Variants in ANKRD30B observed in about 807,000 individuals in gnomAD.
ANKRD30B encodes the protein ankyrin repeat domain-containing protein 30B.
A neutral mutation model predicts 202.2 loss-of-function variants in ANKRD30B; 144 were observed. That is an observed-to-expected ratio of 0.71 (90% confidence interval 0.62 to 0.82). The LOEUF (loss-of-function observed/expected upper bound fraction) is 0.82. Ranked by LOEUF, ANKRD30B falls within the 40% of genes least tolerant of loss-of-function variation. ANKRD30B has a pLI of 0.00. For missense variants in ANKRD30B, 1,487 were observed against 1,669.1 expected, an observed-to-expected ratio of 0.89 and a Z score of 1.90; for synonymous variants, 508 against 561.3, an observed-to-expected ratio of 0.91 and a Z score of 1.34.
the ANKRD30B span, among the ~76,000 whole-genome samples, chr18:14,873,125 TAGAG>T: frequency 1.3e-5 from 2 of 152,158 alleles, no homozygotes; most frequent in African/African-American, 4.8e-5. Context: ...GAGCCTCAGA[TAGAG>T]AGAGAACAGT....
the ANKRD30B span, among the ~76,000 whole-genome samples, chr18:14,883,240 C>T: frequency 6.6e-6 from 1 of 151,754 alleles, no homozygotes; most frequent in African/African-American, 2.4e-5. Flanking sequence ...TTAGAATCTT[C>T]TGGGGAATTT....
rs1267717110 is a variant in ANKRD30B, at chr18:14,819,390, T to G, written c.2642-3093T>G. 3.6e-3 allele frequency among the ~76,000 whole-genome samples: 539 copies of G among 150,022 alleles called. 6 individuals carry two copies. The highest frequency in any genetic ancestry group is 0.012 in the African/African-American group (490 of 41,002). Reference sequence around the variant, plus strand: ...AATTAGATCCCATTTGTCAATTTTGTCTTTTGTTGCCATTGCTTTTGGTGT... The same window carrying G: ...AATTAGATCCCATTTGTCAATTTTGGCTTTTGTTGCCATTGCTTTTGGTGT... On this transcript the variant is annotated intron_variant, in intron 30 of 43. Coordinates refer to ENST00000690538, the MANE Select transcript of ANKRD30B (RefSeq NM_001367607.2).
Position 14,834,746 on chromosome 18 carries a change from T to C in ANKRD30B, c.2848-2465T>C, listed in dbSNP as rs186848626. ...GATTAATATCTCAATTATTCTGATTTGATTATGTGAATGTATTAAGTGATA... is the reference window on the plus strand; with the variant it reads ...GATTAATATCTCAATTATTCTGATTCGATTATGTGAATGTATTAAGTGATA... On this transcript the variant is annotated intron_variant, in intron 34 of 43. Transcript: ENST00000690538. 2.3e-3 allele frequency among the ~76,000 whole-genome samples: 351 copies of C among 152,100 alleles called. 1 individual carries two copies. Among genetic ancestry groups the C allele is most frequent in the South Asian group, 5.2e-3 (25 of 4,824 alleles).
the ANKRD30B span, among the ~76,000 whole-genome samples, chr18:14,899,565 A>G: frequency 1.3e-5 from 2 of 152,152 alleles, no homozygotes; most frequent in African/African-American, 2.4e-5. Context: ...GCAGGGGTAG[A>G]GAGTCATTAT....
chr18:14,762,039 A>C (rs1172334317), intron 6 of ANKRD30B, among the ~76,000 whole-genome samples: 1 of 152,236 alleles, frequency 6.6e-6, no homozygotes, highest in East Asian at 1.9e-4. Flanking sequence ...GTATTCTTAC[A>C]ATAAAGTGAG....
intron 20 of ANKRD30B, 76 bp from the exon 21 acceptor site, chr18:14,799,025 A>G (rs965711810): frequency 5.9e-6 from 8 of 1,355,310 alleles, no homozygotes; most frequent in Non-Finnish European, 8.4e-6. Context: ...TCGTCTTCAT[A>G]TTCACACTCT....
intron 24 of ANKRD30B, among the ~76,000 whole-genome samples, chr18:14,806,848 C>A (rs1351618960): frequency 5.3e-5 from 8 of 150,198 alleles, no homozygotes; most frequent in African/African-American, 2.0e-4. Flanking sequence ...CATATTTTTA[C>A]CTAAAACAAG....
chr18:14,777,927 T>C, intron 9 of ANKRD30B, 58 bp from the exon 10 acceptor site: 1 of 1,296,196 alleles, frequency 7.7e-7, no homozygotes, highest in South Asian at 1.3e-5. Flanking sequence ...TGAGACTTCA[T>C]CTCAAAAAAA....
intron 8 of ANKRD30B, among the ~76,000 whole-genome samples, chr18:14,771,216 A>C (rs1210903890): frequency 6.6e-6 from 1 of 152,108 alleles, no homozygotes; most frequent in Non-Finnish European, 1.5e-5. Context: ...TGATGAGCTG[A>C]ATATTTAAAG....
chr18:14,831,180 G>GTAAAAAAAAA (rs1970908988), intron 33 of ANKRD30B, among the ~76,000 whole-genome samples: 1 of 23,996 alleles, frequency 4.2e-5, no homozygotes, highest in Non-Finnish European at 7.6e-5. Flanking sequence ...ACTCCGTCTC[G>GTAAAAAAAAA]GAAAAAAAAA....
At chr18:14,759,461 A>G (rs1461147287) in intron 5 of ANKRD30B, among the ~76,000 whole-genome samples, 3 of 152,230 alleles carry the variant, frequency 2.0e-5, no homozygotes, top group Admixed American at 6.5e-5. Context: ...TGTGTGCAAT[A>G]TGTTGTTAGT....
the ANKRD30B span, among the ~76,000 whole-genome samples, chr18:14,939,148 C>T: frequency 9.2e-5 from 14 of 152,208 alleles, no homozygotes; most frequent in Non-Finnish European, 1.9e-4. Context: ...CTGTGCTTTG[C>T]CCAAGTAGGT....
intron 41 of ANKRD30B, 72 bp from the exon 42 acceptor site, chr18:14,851,437 C>T (rs1971880038): frequency 5.6e-6 from 8 of 1,417,416 alleles, no homozygotes; most frequent in Non-Finnish European, 7.4e-6. Flanking sequence ...ACAAGTTGTT[C>T]TTTAATTTCA....
the ANKRD30B span, among the ~76,000 whole-genome samples, chr18:14,867,150 T>G: frequency 7.3e-6 from 1 of 137,592 alleles, no homozygotes; most frequent in Admixed American, 7.1e-5. Context: ...GGGGGCGGGT[T>G]TGATGGGGCA....
chr18:14,826,963 A>G (rs1970696564), intron 32 of ANKRD30B, among the ~76,000 whole-genome samples: 2 of 152,232 alleles, frequency 1.3e-5, no homozygotes, highest in South Asian at 2.1e-4. Flanking sequence ...ATGGTCCCTC[A>G]AAGTGTCTTG....
chr18:14,879,143 C>A, the ANKRD30B span, among the ~76,000 whole-genome samples: 1 of 152,178 alleles, frequency 6.6e-6, no homozygotes, highest in Non-Finnish European at 1.5e-5. Context: ...CGCTTTGGGA[C>A]AACTCGGGGC....
At chr18:14,899,852 G>T in the ANKRD30B span, among the ~76,000 whole-genome samples, 4 of 152,048 alleles carry the variant, frequency 2.6e-5, no homozygotes, top group African/African-American at 9.7e-5. Flanking sequence ...CCAATGGTTT[G>T]TTAAGGTTAT....
chr18:14,867,464 C>A, the ANKRD30B span, among the ~76,000 whole-genome samples: 1 of 152,010 alleles, frequency 6.6e-6, no homozygotes, highest in Non-Finnish European at 1.5e-5. Context: ...AACTTCTGCT[C>A]GTGTTGGAGC....
chr18:14,855,193 G>T (rs1462125558), downstream of ANKRD30B, among the ~76,000 whole-genome samples: 1 of 152,186 alleles, frequency 6.6e-6, no homozygotes, highest in Non-Finnish European at 1.5e-5. Flanking sequence ...AGTTGACACA[G>T]CACATGTTTC....
Sources: gnomAD v4.1 joint callset for allele counts (sites outside exome capture counted in the v4.1 genomes callset) on GRCh38, gnomAD v4.1.1 for gene constraint, MANE v1.5 for transcripts, NCBI Gene and HGNC (gene_info 2026-07-23, HGNC 2026-07-21) for gene names.